Variants in IFT140 observed in about 807,000 individuals in gnomAD.
The protein encoded by IFT140 is intraflagellar transport 140, also known as intraflagellar transport protein 140 homolog.
Under a neutral mutation model 164.6 loss-of-function variants are expected in IFT140, and 133 were observed. The observed-to-expected ratio is 0.81, with a 90% CI of 0.70 to 0.93. IFT140 has a LOEUF of 0.93. IFT140 is among the 40% of genes least tolerant of loss of function. The pLI is 0.00. For missense variants in IFT140, 2,045 were observed against 1,972.3 expected, an observed-to-expected ratio of 1.04 and a Z score of -0.70; for synonymous variants, 860 against 817.3, an observed-to-expected ratio of 1.05 and a Z score of -0.89.
At chr16:1,602,871 C>T (rs2035868153) in intron 3 of IFT140, among the ~76,000 whole-genome samples, 1 of 152,122 alleles carries the variant, frequency 6.6e-6, no homozygotes. Context: ...ACCCAGGAGG[C>T]AGAGGTTGCA....
intron 19 of IFT140, among the ~76,000 whole-genome samples, chr16:1,549,421 T>TTTTC (rs925546400): frequency 6.6e-6 from 1 of 152,196 alleles, no homozygotes; most frequent in Non-Finnish European, 1.5e-5. Flanking sequence ...CCCCAGGTGC[T>TTTTC]TTTCTTTCTT....
At chr16:1,566,049 T>C in intron 16 of IFT140, 112 bp downstream of exon 16, 4 of 932,488 alleles carry the variant, frequency 4.3e-6, no homozygotes, top group Non-Finnish European at 6.6e-6. Context: ...TTCCTACTGG[T>C]GCCTGCTGGG....
intron 19 of IFT140, chr16:1,555,221 C>T: frequency 1.5e-6 from 1 of 683,564 alleles, no homozygotes; most frequent in Non-Finnish European, 2.4e-6. Flanking sequence ...GTGTCGTGGG[C>T]CAACCTCGTT....
chr16:1,545,416 A>G (rs577872729), intron 19 of IFT140, among the ~76,000 whole-genome samples: 11 of 152,332 alleles, frequency 7.2e-5, no homozygotes, highest in South Asian at 6.2e-4. Flanking sequence ...CCCAAAAAGG[A>G]AATGCATTTT....
intron 19 of IFT140, chr16:1,527,129 T>G: frequency 2.9e-6 from 1 of 343,672 alleles, no homozygotes. Context: ...CCTGTGTTGC[T>G]TGCACACACA....
At chr16:1,595,601 C>G (rs1346513825) in intron 4 of IFT140, among the ~76,000 whole-genome samples, 1 of 115,618 alleles carries the variant, frequency 8.6e-6, no homozygotes, top group African/African-American at 3.2e-5. Context: ...GACTCCATCT[C>G]AGAAAAAAAA....
intron 19 of IFT140, among the ~76,000 whole-genome samples, chr16:1,529,064 G>A (rs1022966062): frequency 2.6e-5 from 4 of 152,162 alleles, no homozygotes; most frequent in African/African-American, 9.7e-5. Flanking sequence ...TGGGCCCTGC[G>A]GTGGTGTCTG....
chr16:1,557,025 A>T (rs1350231127), intron 19 of IFT140, among the ~76,000 whole-genome samples: 4 of 152,120 alleles, frequency 2.6e-5, no homozygotes, highest in African/African-American at 9.7e-5. Flanking sequence ...CATGTTGGTC[A>T]GGCTGGTCTC....
chr16:1,552,154 C>T (rs936273336), intron 19 of IFT140, among the ~76,000 whole-genome samples: 3 of 152,100 alleles, frequency 2.0e-5, no homozygotes, highest in Admixed American at 6.5e-5. Context: ...CTGTAACACC[C>T]GCAAGTAGAA....
chr16:1,520,798 G>T lies in IFT140; in HGVS notation c.3464C>A (p.Ala1155Asp), dbSNP rs2040503455. The T allele has an allele frequency of 6.2e-7, 1 of 1,603,356 alleles. No homozygotes were observed. Among genetic ancestry groups the T allele is most frequent in the Non-Finnish European group, 8.5e-7 (1 of 1,179,882 alleles). The change falls in exon 27 of 31, where the codon GCC becomes GAC. Residue 1155 changes from alanine (A) to aspartate (D), a missense_variant. Ala to Asp is a moderately radical substitution (Grantham distance 126). Coordinates refer to ENST00000426508, the MANE Select transcript of IFT140 (RefSeq NM_014714.4). ...LLLAARKYQEALQLCLGQNMS... is the reference protein window; with the variant it reads ...LLLAARKYQEDLQLCLGQNMS... ...GTTCTGCCCCAGGCACAGCTGCAGG[G>T]CTTCCTGATACTGCAAAGGTGCAGA...
At chr16:1,555,189 T>A (rs1414538394) in intron 19 of IFT140, 2 of 876,048 alleles carry the variant, frequency 2.3e-6, no homozygotes, top group South Asian at 3.6e-5. Context: ...CGTTTACTGT[T>A]ATGTCGGTCA....
intron 19 of IFT140, among the ~76,000 whole-genome samples, chr16:1,543,412 A>G (rs2031842903): frequency 6.6e-6 from 1 of 152,136 alleles, no homozygotes; most frequent in African/African-American, 2.4e-5. Context: ...GGGCTCTCTG[A>G]GCGCTATTAA....
chr16:1,544,460 T>C (rs1290691789), intron 19 of IFT140, among the ~76,000 whole-genome samples: 31 of 150,026 alleles, frequency 2.1e-4, no homozygotes, highest in East Asian at 6.1e-4. Context: ...GCTAGGATTA[T>C]AGGCGTGAGC....
At chr16:1,600,457 T>TA (rs1410372137) in intron 4 of IFT140, among the ~76,000 whole-genome samples, 1 of 88,406 alleles carries the variant, frequency 1.1e-5, no homozygotes, top group Non-Finnish European at 2.0e-5. Flanking sequence ...AATAAAAAAA[T>TA]AAATTTAAAA....
chr16:1,544,387 A>G (rs982213112), intron 19 of IFT140, among the ~76,000 whole-genome samples: 25 of 151,218 alleles, frequency 1.7e-4, no homozygotes, highest in South Asian at 4.2e-4. Flanking sequence ...GGGTTTCACT[A>G]TGTTCGCCAG....
chr16:1,595,728 G>C (rs757019796), intron 4 of IFT140, among the ~76,000 whole-genome samples: 1 of 151,978 alleles, frequency 6.6e-6, no homozygotes, highest in Non-Finnish European at 1.5e-5. Flanking sequence ...TATGATTCTT[G>C]ACTCTAACAG....
At chr16:1,592,623 GT>G in intron 4 of IFT140, 35 bp from the exon 5 acceptor site, 2 of 1,589,294 alleles carry the variant, frequency 1.3e-6, no homozygotes, top group South Asian at 1.1e-5. Context: ...TAGGACAGGT[GT>G]CCCGGCAGAG....
At chr16:1,516,000 C>T (rs35034034) in intron 30 of IFT140, among the ~76,000 whole-genome samples, 4 of 151,902 alleles carry the variant, frequency 2.6e-5, no homozygotes, top group South Asian at 2.1e-4. Flanking sequence ...ATTAGCCAGG[C>T]GTGGTGGCGC....
At chr16:1,520,386 C>A (rs771678097) in intron 27 of IFT140, 43 bp from the exon 28 acceptor site, 46 of 1,598,060 alleles carry the variant, frequency 2.9e-5, no homozygotes, top group African/African-American at 1.5e-4. Context: ...AGGGGCTGGG[C>A]CGGGACAAGC....
Sources: allele counts gnomAD v4.1 joint callset (sites outside exome capture counted in the v4.1 genomes callset), GRCh38; gene constraint gnomAD v4.1.1; transcripts MANE v1.5; gene names NCBI Gene and HGNC (gene_info 2026-07-23, HGNC 2026-07-21).